PDGFRA: variants seen among roughly 807,000 people sequenced by gnomAD.
PDGFRA encodes platelet-derived growth factor receptor alpha.
Under a neutral mutation model 121.5 loss-of-function variants are expected in PDGFRA, and 25 were observed. The ratio of observed to expected loss-of-function variants is 0.21; its 90% CI spans 0.15 to 0.29. The LOEUF is 0.29. Ranked by LOEUF, PDGFRA falls within the 10% of genes least tolerant of loss-of-function variation. The probability of loss-of-function intolerance (pLI) is 1.00; values close to 1 mark genes in which losing one functional copy is unlikely to be tolerated. For synonymous variants in PDGFRA, 463 were observed against 494.8 expected (o/e 0.94, Z 0.85); for missense variants, 1,008 against 1,345.1 (o/e 0.75, Z 3.92).
chr4:54,264,789 T>G, intron 4 of PDGFRA, 130 bp from the exon 5 acceptor site: 1 of 837,272 alleles, frequency 1.2e-6, no homozygotes, highest in Non-Finnish European at 1.9e-6. Context: ...TTTCCAAATT[T>G]TATCTTGATC....
At chr4:54,232,682 T>G (rs1446419982) in intron 1 of PDGFRA, among the ~76,000 whole-genome samples, 2 of 152,170 alleles carry the variant, frequency 1.3e-5, no homozygotes, top group East Asian at 3.9e-4. Flanking sequence ...CCTCCCAGGT[T>G]CAAGCGATTC....
At chr4:54,255,637 C>T (rs1298992958) in intron 1 of PDGFRA, among the ~76,000 whole-genome samples, 2 of 151,718 alleles carry the variant, frequency 1.3e-5, no homozygotes, top group South Asian at 2.1e-4. Context: ...TCCTGAGTAG[C>T]GGGGACTACA....
At chr4:54,259,877 T>G (rs1402981067) in intron 2 of PDGFRA, among the ~76,000 whole-genome samples, 1 of 152,188 alleles carries the variant, frequency 6.6e-6, no homozygotes, top group Non-Finnish European at 1.5e-5. Flanking sequence ...ATAATATCTC[T>G]TCTATCAGTC....
intron 11 of PDGFRA, 73 bp from the exon 12 acceptor site, chr4:54,274,766 CTG>C: frequency 6.4e-7 from 1 of 1,557,516 alleles, no homozygotes; most frequent in East Asian, 2.2e-5. Context: ...TGTCCAGTCA[CTG>C]TGCTGCTTCA....
intron 19 of PDGFRA, 62 bp downstream of exon 19, chr4:54,287,603 GTTC>G (rs1291307910): frequency 2.5e-6 from 2 of 795,226 alleles, no homozygotes; most frequent in Non-Finnish European, 4.6e-6. Context: ...AGGAAAATGT[GTTC>G]TTTCAAGCCC....
intron 14 of PDGFRA, 58 bp downstream of exon 14, chr4:54,278,064 G>A (rs2110312798): frequency 9.6e-7 from 1 of 1,043,148 alleles, no homozygotes; most frequent in African/African-American, 1.6e-5. Flanking sequence ...TGTGAAAACT[G>A]TTCAATCAGG....
intron 15 of PDGFRA, among the ~76,000 whole-genome samples, chr4:54,279,237 C>G (rs1047434866): frequency 5.3e-5 from 8 of 152,218 alleles, no homozygotes; most frequent in African/African-American, 1.7e-4. Context: ...TTAGATGTGG[C>G]TCTTCAGGAT....
chr4:54,287,256 T>C (rs891856589), intron 18 of PDGFRA, among the ~76,000 whole-genome samples, 174 bp from the exon 19 acceptor site: 10 of 152,208 alleles, frequency 6.6e-5, no homozygotes, highest in Non-Finnish European at 1.5e-4. Flanking sequence ...GCACCTACTA[T>C]GTGCCAGGGA....
At chr4:54,253,683 TTTTTTTC>T (rs960249751) in intron 1 of PDGFRA, among the ~76,000 whole-genome samples, 2 of 152,156 alleles carry the variant, frequency 1.3e-5, no homozygotes, top group Non-Finnish European at 2.9e-5. Context: ...TCCCTGATTC[TTTTTTTC>T]TTTTTTCTTT....
intron 5 of PDGFRA, among the ~76,000 whole-genome samples, chr4:54,266,756 G>C (rs952690106): frequency 6.6e-6 from 1 of 152,258 alleles, no homozygotes. Context: ...TGAGGCAGGA[G>C]AGTCACTTGA....
At position 54,287,545 on chromosome 4, in the gene PDGFRA, T is replaced by C. The variant is rs1560490962; in HGVS notation, c.2674+4T>C. The stretch of plus-strand genomic sequence containing the variant: ...CTCTGGGAGATCTTTTCCCTTGGTA[T>C]GGGCCTGACATTGCTGCTTATTTGG... On this transcript the variant is annotated splice_donor_region_variant and intron_variant, in intron 19 of 22. Transcript: ENST00000257290. 1 of 1,124,154 alleles carries C rather than the reference T, an allele frequency of 8.9e-7. No homozygotes were observed. The highest frequency in any genetic ancestry group is 1.5e-5 in the African/African-American group (1 of 65,730). 69.6% of individuals were successfully genotyped at this position (1,124,154 alleles called of 1,614,324 possible). A position where few individuals can be genotyped will look rare whatever the true frequency, so the allele number is the denominator to read the frequency against.
At chr4:54,280,692 A>T (rs1400739071) in intron 16 of PDGFRA, 1 of 431,500 alleles carries the variant, frequency 2.3e-6, no homozygotes, top group Non-Finnish European at 4.1e-6. Flanking sequence ...AATGTAACAA[A>T]TTTTTTAAAC....
chr4:54,269,425 T>C (rs1723205010), intron 7 of PDGFRA, among the ~76,000 whole-genome samples: 1 of 152,030 alleles, frequency 6.6e-6, no homozygotes, highest in Non-Finnish European at 1.5e-5. Context: ...GCTTTTCTTC[T>C]CCATTCCAGT....
intron 1 of PDGFRA, among the ~76,000 whole-genome samples, chr4:54,247,047 T>C (rs907131760): frequency 1.3e-5 from 2 of 152,198 alleles, no homozygotes; most frequent in South Asian, 4.2e-4. Context: ...AATAGACCAA[T>C]AACAGGCTCT....
Position 54,296,367 on chromosome 4 carries a change from GTT to G in PDGFRA, c.*1110_*1111del, listed in dbSNP as rs34529347. Reference sequence around the variant, plus strand: ...CAGCAAAAAGACTGGATTTGCAGAAGTTTTTTTTTTTTTTTTCTTCATGCCTG... The same window carrying G: ...CAGCAAAAAGACTGGATTTGCAGAAGTTTTTTTTTTTTTTCTTCATGCCTG... On this transcript the variant is annotated 3_prime_UTR_variant, in exon 23 of 23. Coordinates refer to ENST00000257290, the MANE Select transcript of PDGFRA (RefSeq NM_006206.6). 101,873 of 209,834 alleles carry G rather than the reference GTT, an allele frequency of 0.49. 19,728 individuals carry two copies. The highest frequency in any genetic ancestry group is 0.58 in the East Asian group (8,184 of 14,008). The allele number at this position is 209,834 out of a possible 1,614,324, so 13.0% of individuals were successfully genotyped here. A position where few individuals can be genotyped will look rare whatever the true frequency, so the allele number is the denominator to read the frequency against.
At chr4:54,235,856 C>A (rs1720979727) in intron 1 of PDGFRA, among the ~76,000 whole-genome samples, 1 of 152,376 alleles carries the variant, frequency 6.6e-6, no homozygotes, top group African/African-American at 2.4e-5. Flanking sequence ...ACAGGGCAAG[C>A]AACCAGTCAG....
chr4:54,260,397 GTTTTTTTT>G (rs68009440), intron 2 of PDGFRA, among the ~76,000 whole-genome samples: 11 of 64,564 alleles, frequency 1.7e-4, no homozygotes, highest in African/African-American at 6.8e-4. Context: ...TTCCATGTGG[GTTTTTTTT>G]TTTTTTTTTT....
chr4:54,291,728 C>T (rs1724642213), intron 22 of PDGFRA, among the ~76,000 whole-genome samples: 1 of 152,160 alleles, frequency 6.6e-6, no homozygotes, highest in Admixed American at 6.5e-5. Context: ...GGTGATTTCT[C>T]AAAGAACTTT....
chr4:54,268,597 T>G (rs921386762), intron 7 of PDGFRA, among the ~76,000 whole-genome samples: 2 of 152,202 alleles, frequency 1.3e-5, no homozygotes, highest in Non-Finnish European at 2.9e-5. Flanking sequence ...CACCTCAGGA[T>G]TTGCTTTCTT....
Sources: allele counts gnomAD v4.1 joint callset (sites outside exome capture counted in the v4.1 genomes callset), GRCh38; gene constraint gnomAD v4.1.1; transcripts MANE v1.5; gene names NCBI Gene and HGNC (gene_info 2026-07-23, HGNC 2026-07-21).